Variants in SEMA3D observed in about 807,000 individuals in gnomAD.
SEMA3D encodes semaphorin-3D.
A neutral mutation model predicts 100.1 loss-of-function variants in SEMA3D; 84 were observed. The observed-to-expected ratio is 0.84, with a 90% confidence interval of 0.70 to 1.01. The LOEUF (loss-of-function observed/expected upper bound fraction) is 1.01, where lower values mean the gene tolerates loss of function less well. Ranked by LOEUF, SEMA3D falls within the 50% of genes least tolerant of loss-of-function variation. SEMA3D has a pLI of 0.00. For missense variants in SEMA3D, 875 were observed against 934.1 expected (o/e 0.94, Z 0.82); for synonymous variants, 312 against 320.7 (o/e 0.97, Z 0.29).
intron 3 of SEMA3D, among the ~76,000 whole-genome samples, chr7:85,103,183 A>G (rs1788800989): frequency 6.6e-6 from 1 of 151,980 alleles, no homozygotes. Flanking sequence ...TTTTGTTTCC[A>G]CAGGATTATC....
Position 85,022,598 on chromosome 7 carries a change from A to C in SEMA3D, c.1207T>G (p.Tyr403Asp). 1 of 1,611,278 alleles carries C rather than the reference A, an allele frequency of 6.2e-7. No homozygotes were observed. The highest frequency in any genetic ancestry group is 1.1e-5 in the South Asian group (1 of 91,032). ...CGGGTGGACTTAATCAGTGGGTCAT[A>C]GGTTTTGCTTGGACACTGAAAATAA... ...PRPGTCPSKTYDPLIKSTRDF... is the reference protein window; with the variant it reads ...PRPGTCPSKTDDPLIKSTRDF... Residue 403 changes from tyrosine to aspartate, a missense_variant, in exon 13 of 19, where the codon TAT (tyrosine) becomes GAT (aspartate). Transcript: ENST00000284136.
At chr7:85,240,712 T>G in the SEMA3D span, among the ~76,000 whole-genome samples, 1 of 152,190 alleles carries the variant, frequency 6.6e-6, no homozygotes, top group African/African-American at 2.4e-5. Context: ...TATGTGAACT[T>G]TGGCAGATAA....
At chr7:85,047,242 T>C (rs1337409885) in intron 9 of SEMA3D, among the ~76,000 whole-genome samples, 5 of 151,952 alleles carry the variant, frequency 3.3e-5, no homozygotes. Context: ...AGTCATTTGA[T>C]TGTATGATGG....
In SEMA3D at chr7:85,157,048, C is replaced by T. The variant is rs114034934; in HGVS notation, c.-172-3309G>A. ...CAGAAGGTCACTGTGCAGAGTCTGACGTGCTTCAGGAATAAATGGCACTTT... is the reference window on the plus strand; with the variant it reads ...CAGAAGGTCACTGTGCAGAGTCTGATGTGCTTCAGGAATAAATGGCACTTT... On this transcript the variant is annotated intron_variant, in intron 1 of 18. Coordinates refer to ENST00000284136, the MANE Select transcript of SEMA3D (RefSeq NM_001384900.1). 6.9e-3 allele frequency among the ~76,000 whole-genome samples: 1,044 copies of T among 152,224 alleles called. 15 individuals carry two copies. The highest frequency in any genetic ancestry group is 0.024 in the African/African-American group (997 of 41,544).
intron 12 of SEMA3D, among the ~76,000 whole-genome samples, chr7:85,034,566 C>T (rs1450228637): frequency 6.6e-6 from 1 of 151,992 alleles, no homozygotes; most frequent in African/African-American, 2.4e-5. Context: ...AAGATTGCAC[C>T]ACTGCACTTT....
chr7:85,191,555 G>A (rs745347421), upstream of SEMA3D, among the ~76,000 whole-genome samples: 4 of 152,048 alleles, frequency 2.6e-5, no homozygotes, highest in South Asian at 2.1e-4. Flanking sequence ...TATGAGTGAC[G>A]AAATAAAGAA....
rs534842517 is a variant in SEMA3D at position 85,088,191 on chromosome 7, G to T, written c.313-6612C>A. Among the ~76,000 whole-genome samples, 12 of 152,222 alleles carry T rather than the reference G, an allele frequency of 7.9e-5. No homozygotes were observed. The South Asian group carries it at 2.5e-3, about 32-fold the overall frequency. On this transcript the variant is annotated intron_variant, in intron 4 of 18. Transcript: ENST00000284136. ...ACTTATCTTTTAGTAAGGTGAAAATGTCAGACAATTAATTTTTAATTATTC... is the reference window on the plus strand; with the variant it reads ...ACTTATCTTTTAGTAAGGTGAAAATTTCAGACAATTAATTTTTAATTATTC...
intron 4 of SEMA3D, among the ~76,000 whole-genome samples, chr7:85,092,016 T>C (rs1788408247): frequency 6.6e-6 from 1 of 152,012 alleles, no homozygotes; most frequent in African/African-American, 2.4e-5. Flanking sequence ...GAATAGACAA[T>C]AGACTCTTTT....
At chr7:85,216,056 G>A in the SEMA3D span, among the ~76,000 whole-genome samples, 2 of 151,854 alleles carry the variant, frequency 1.3e-5, no homozygotes, top group African/African-American at 4.8e-5. Flanking sequence ...TTATATAATG[G>A]CAAACTATCA....
the SEMA3D span, among the ~76,000 whole-genome samples, chr7:85,237,011 A>C: frequency 1.3e-5 from 2 of 152,226 alleles, no homozygotes; most frequent in Non-Finnish European, 2.9e-5. Context: ...TTTTGTAATA[A>C]TATACTAAAA....
At chr7:85,164,935 C>G (rs1790854459) in intron 1 of SEMA3D, among the ~76,000 whole-genome samples, 1 of 152,032 alleles carries the variant, frequency 6.6e-6, no homozygotes, top group Admixed American at 6.6e-5. Context: ...AAGTGCTATA[C>G]AAGAAATATA....
At chr7:85,147,567 G>A (rs2116480266) in intron 2 of SEMA3D, among the ~76,000 whole-genome samples, 1 of 152,160 alleles carries the variant, frequency 6.6e-6, no homozygotes, top group Admixed American at 6.5e-5. Context: ...AAAATACAAT[G>A]CCTTGATCAA....
rs1004792133 is a variant in SEMA3D, at chr7:85,068,220, G to C, written c.560C>G (p.Pro187Arg). ...CATTACTGAAGCAAAAGGCTGCTGA[G>C]GATCGAAAGGACATTTCAGTCTGCC... The part of the protein sequence containing the change: ...ESGRLKCPFD[P>R]QQPFASVMTD... Residue 187 changes from proline (P) to arginine (R), a missense_variant, in exon 7 of 19, where the codon CCT becomes CGT. Pro to Arg is a moderately radical substitution (Grantham distance 103). Transcript: ENST00000284136. 6.2e-7 allele frequency: 1 copy of C among 1,606,224 alleles called. No individual in the cohort carries two copies. The highest frequency in any genetic ancestry group is 1.3e-5 in the African/African-American group (1 of 74,860).
At chr7:85,246,485 G>A in the SEMA3D span, among the ~76,000 whole-genome samples, 1 of 151,878 alleles carries the variant, frequency 6.6e-6, no homozygotes, top group East Asian at 1.9e-4. Flanking sequence ...ATTTTAATGA[G>A]TGAACTAATT....
At chr7:85,131,888 T>C (rs909710116) in intron 2 of SEMA3D, among the ~76,000 whole-genome samples, 32 of 152,002 alleles carry the variant, frequency 2.1e-4, no homozygotes, top group Middle Eastern at 3.5e-3. Context: ...TTTAACAAAC[T>C]CTTTATTAAT....
intron 15 of SEMA3D, among the ~76,000 whole-genome samples, 165 bp downstream of exon 15, chr7:85,018,087 G>T (rs538575695): frequency 1.3e-5 from 2 of 151,670 alleles, no homozygotes; most frequent in African/African-American, 4.8e-5. Context: ...TTCTCCCAAG[G>T]CAAGGCTGAA....
At chr7:85,052,711 T>C (rs1791201018) in intron 9 of SEMA3D, among the ~76,000 whole-genome samples, 1 of 151,988 alleles carries the variant, frequency 6.6e-6, no homozygotes, top group Non-Finnish European at 1.5e-5. Flanking sequence ...GCCCTCACTA[T>C]ACTAAAAGCT....
In SEMA3D at chr7:85,153,691, C is replaced by T. The variant is rs1279310021; in HGVS notation, c.-124G>A. 1.3e-5 allele frequency: 2 copies of T among 152,124 alleles called. No homozygotes were observed. Among genetic ancestry groups the T allele is most frequent in the South Asian group, 2.1e-4 (1 of 4,830 alleles). The allele number at this position is 152,124 out of a possible 1,614,324, so 9.4% of individuals were successfully genotyped here. On this transcript the variant is annotated 5_prime_UTR_variant, in exon 2 of 19. Transcript: ENST00000284136. The stretch of plus-strand genomic sequence containing the variant: ...GAACCAACAGTGTATGTTCAAAAGC[C>T]TGGCAACCAGGACAGCAGATGTTAC...
chr7:85,084,409 C>T (rs1788159042), intron 4 of SEMA3D, among the ~76,000 whole-genome samples: 1 of 152,104 alleles, frequency 6.6e-6, no homozygotes, highest in Non-Finnish European at 1.5e-5. Flanking sequence ...AAATGCTGTA[C>T]TTGCTGGTTC....
Sources: allele counts gnomAD v4.1 joint callset (sites outside exome capture counted in the v4.1 genomes callset), GRCh38; gene constraint gnomAD v4.1.1; transcripts MANE v1.5; gene names NCBI Gene and HGNC (gene_info 2026-07-23, HGNC 2026-07-21).